Variants in TRIM44 observed in about 807,000 individuals in gnomAD.
The protein encoded by TRIM44 is tripartite motif containing 44.
Under a neutral mutation model 37.4 loss-of-function variants are expected in TRIM44, and 13 were observed. The ratio of observed to expected loss-of-function variants is 0.35; its 90% CI spans 0.23 to 0.55. TRIM44 has a LOEUF of 0.55. Among genes scored for constraint, TRIM44 ranks in the 20% least tolerant of loss-of-function variants. The pLI, the probability that TRIM44 is intolerant of heterozygous loss-of-function variation, is 0.89. For synonymous variants in TRIM44, 175 were observed against 157.2 expected (o/e 1.11, Z -0.85); for missense variants, 426 against 437.2 (o/e 0.97, Z 0.23).
At chr11:35,754,935 T>C (rs977291564) in intron 4 of TRIM44, among the ~76,000 whole-genome samples, 8 of 152,224 alleles carry the variant, frequency 5.3e-5, no homozygotes, top group Non-Finnish European at 1.2e-4. Flanking sequence ...TCCAAGTCTT[T>C]GCTATTGTGA....
At chr11:35,679,445 T>C (rs1192825296) in intron 1 of TRIM44, among the ~76,000 whole-genome samples, 4 of 152,210 alleles carry the variant, frequency 2.6e-5, no homozygotes, top group African/African-American at 9.6e-5. Flanking sequence ...CCAATTTTCA[T>C]GGTGTTCAAA....
At chr11:35,714,525 C>T (rs1852015575) in intron 2 of TRIM44, among the ~76,000 whole-genome samples, 1 of 152,052 alleles carries the variant, frequency 6.6e-6, no homozygotes, top group African/African-American at 2.4e-5. Context: ...CGTCTCAGTG[C>T]CCTTTCCTGA....
Position 35,726,724 on chromosome 11 carries a change from T to C in TRIM44, c.987+561T>C, listed in dbSNP as rs560831836. On this transcript the variant is annotated intron_variant, in intron 3 of 4. Coordinates refer to ENST00000299413, the MANE Select transcript of TRIM44 (RefSeq NM_017583.6). Reference sequence around the variant, plus strand: ...CTATGAATGAAAGACACAAGGTAAATGTTGAATCACTATACAAATGTTAGT... The same window carrying C: ...CTATGAATGAAAGACACAAGGTAAACGTTGAATCACTATACAAATGTTAGT... Among the ~76,000 whole-genome samples, 8 of 151,752 alleles carry C rather than the reference T, an allele frequency of 5.3e-5. No homozygotes were observed. The South Asian group carries it at 1.7e-3, about 32-fold the overall frequency.
chr11:35,715,709 AAAG>A (rs1305294676), intron 2 of TRIM44, among the ~76,000 whole-genome samples: 5 of 152,130 alleles, frequency 3.3e-5, no homozygotes, highest in Non-Finnish European at 7.4e-5. Flanking sequence ...GGTAATTTAC[AAAG>A]AAAAGAGGTT....
At chr11:35,673,067 A>G (rs780374244) in intron 1 of TRIM44, among the ~76,000 whole-genome samples, 25 of 152,370 alleles carry the variant, frequency 1.6e-4, no homozygotes, top group Non-Finnish European at 3.1e-4. Flanking sequence ...GGAAGTATGC[A>G]GTGAACTAGA....
chr11:35,813,565 A>G lies in TRIM44; in HGVS notation c.*7180A>G, dbSNP rs1288244431. On this transcript the variant is annotated 3_prime_UTR_variant, in exon 5 of 5. Coordinates refer to ENST00000299413, the MANE Select transcript of TRIM44 (RefSeq NM_017583.6). The stretch of plus-strand genomic sequence containing the variant: ...AGCAATAGAGAAAATGGAAATTTTG[A>G]GTAGACTGCAAAGCTCCAAAGCCCT... 1 of 152,182 alleles carries G rather than the reference A, an allele frequency of 6.6e-6. No individual in the cohort carries two copies. Among genetic ancestry groups the G allele is most frequent in the Non-Finnish European group, 1.5e-5 (1 of 68,016 alleles). 9.4% of individuals were successfully genotyped at this position (152,182 alleles called of 1,614,324 possible).
chr11:35,671,423 C>T (rs1351885667), intron 1 of TRIM44, among the ~76,000 whole-genome samples: 1 of 152,168 alleles, frequency 6.6e-6, no homozygotes, highest in Admixed American at 6.5e-5. Flanking sequence ...GAGACTTTAA[C>T]AATGCTTAAC....
intron 2 of TRIM44, among the ~76,000 whole-genome samples, chr11:35,700,197 C>CT (rs1171765792): frequency 6.6e-6 from 1 of 152,152 alleles, no homozygotes; most frequent in Non-Finnish European, 1.5e-5. Flanking sequence ...CAGATCAGTG[C>CT]TTTAAGTGCT....
At chr11:35,742,109 A>AT (rs1564991177) in intron 4 of TRIM44, among the ~76,000 whole-genome samples, 1 of 151,768 alleles carries the variant, frequency 6.6e-6, no homozygotes. Context: ...TGCCTGGCTA[A>AT]TTTTTTTATT....
intron 4 of TRIM44, among the ~76,000 whole-genome samples, chr11:35,798,900 G>T (rs1174320099): frequency 1.3e-5 from 2 of 152,090 alleles, no homozygotes; most frequent in Admixed American, 1.3e-4. Flanking sequence ...TGTGATAATG[G>T]TGATTATCTG....
intron 1 of TRIM44, among the ~76,000 whole-genome samples, chr11:35,674,536 A>G (rs910071978): frequency 6.6e-6 from 1 of 152,232 alleles, no homozygotes; most frequent in South Asian, 2.1e-4. Flanking sequence ...AACCCACTTC[A>G]GATGGGTTTA....
chr11:35,726,365 T>A (rs1321767663), intron 3 of TRIM44, among the ~76,000 whole-genome samples: 1 of 152,158 alleles, frequency 6.6e-6, no homozygotes, highest in Non-Finnish European at 1.5e-5. Flanking sequence ...TATTTATCCA[T>A]CATTACTTTA....
chr11:35,803,496 T>A lies in TRIM44; in HGVS notation c.1008-2862T>A, dbSNP rs545406232. On this transcript the variant is annotated intron_variant, in intron 4 of 4. Transcript: ENST00000299413. ...CCTGTAATCCAGCACTTTGGGAGAC[T>A]GGGGCAGGCGGAATCACAAGGTCAG... Among the ~76,000 whole-genome samples the A allele has an allele frequency of 2.0e-5, 3 of 152,058 alleles. 1 individual carries two copies. Among genetic ancestry groups the A allele is most frequent in the Admixed American group, 6.6e-5 (1 of 15,260 alleles).
rs111480708 is a variant in TRIM44 at position 35,750,591 on chromosome 11, G to A, written c.1007+15146G>A. On this transcript the variant is annotated intron_variant, in intron 4 of 4. Transcript: ENST00000299413. ...CCTGACATTCCCACACTTATTGACC[G>A]TAAGACTCTTAACCCCATCACATAA... Among the ~76,000 whole-genome samples the A allele has an allele frequency of 1.2e-3, 179 of 152,186 alleles. 1 individual carries two copies. Among genetic ancestry groups the A allele is most frequent in the African/African-American group, 3.8e-3 (158 of 41,528 alleles).
intron 4 of TRIM44, among the ~76,000 whole-genome samples, chr11:35,799,662 TG>T (rs1853340244): frequency 6.6e-6 from 1 of 152,226 alleles, no homozygotes; most frequent in Non-Finnish European, 1.5e-5. Context: ...TTACAAGTCG[TG>T]TACCTTAAGC....
chr11:35,755,820 T>A (rs4543963), intron 4 of TRIM44, among the ~76,000 whole-genome samples: 7 of 148,932 alleles, frequency 4.7e-5, no homozygotes, highest in East Asian at 2.0e-4. Context: ...GTTGTAGATA[T>A]GCGGCGTTAT....
chr11:35,780,235 T>C (rs1853044696), intron 4 of TRIM44, among the ~76,000 whole-genome samples: 1 of 152,196 alleles, frequency 6.6e-6, no homozygotes, highest in South Asian at 2.1e-4. Context: ...TTATTTAAAA[T>C]AGATTTATAA....
chr11:35,743,702 A>G (rs916492948), intron 4 of TRIM44, among the ~76,000 whole-genome samples: 6 of 152,122 alleles, frequency 3.9e-5, no homozygotes, highest in Non-Finnish European at 7.4e-5. Flanking sequence ...TTCCATCATT[A>G]TCATCACTAA....
chr11:35,760,060 C>T (rs567325078), intron 4 of TRIM44, among the ~76,000 whole-genome samples: 1 of 152,222 alleles, frequency 6.6e-6, no homozygotes, highest in Non-Finnish European at 1.5e-5. Context: ...GTTTCTGCTG[C>T]GTTTTGTTTG....
Sources: gnomAD v4.1 joint callset for allele counts (sites outside exome capture counted in the v4.1 genomes callset) on GRCh38, gnomAD v4.1.1 for gene constraint, MANE v1.5 for transcripts, NCBI Gene and HGNC (gene_info 2026-07-23, HGNC 2026-07-21) for gene names.